The following MCC variants were observed in gnomAD, a reference collection of about 807,000 sequenced individuals.
The protein encoded by MCC is MCC regulator of Wnt signaling pathway.
A neutral mutation model predicts 116.2 loss-of-function variants in MCC; 90 were observed. The ratio of observed to expected loss-of-function variants is 0.77; its 90% CI spans 0.65 to 0.92. The LOEUF is 0.92. MCC is among the 40% of genes least tolerant of loss of function. MCC has a pLI of 0.00. For synonymous variants in MCC, 578 were observed against 510.5 expected (o/e 1.13, Z -1.78); for missense variants, 1,516 against 1,312.2 (o/e 1.16, Z -2.40).
At chr5:113,165,425 T>C (rs757662824) in intron 3 of MCC, among the ~76,000 whole-genome samples, 2 of 152,232 alleles carry the variant, frequency 1.3e-5, no homozygotes, top group Non-Finnish European at 2.9e-5. Context: ...TCTTACAAAC[T>C]GACTTATTCC....
intron 4 of MCC, among the ~76,000 whole-genome samples, chr5:113,144,973 T>C (rs4705794): frequency 0.54 from 81,964 of 152,046 alleles, 23,743 homozygotes; most frequent in East Asian, 0.72. Flanking sequence ...AAAGATGCTG[T>C]AACCAGCCAC....
At chr5:113,328,555 C>T (rs1450065626) in intron 3 of MCC, among the ~76,000 whole-genome samples, 1 of 152,216 alleles carries the variant, frequency 6.6e-6, no homozygotes, top group African/African-American at 2.4e-5. Flanking sequence ...AGGATGAAGT[C>T]TCTGGGTTTC....
At chr5:113,050,028 C>T (rs997309319) in intron 15 of MCC, among the ~76,000 whole-genome samples, 3 of 152,202 alleles carry the variant, frequency 2.0e-5, no homozygotes, top group Non-Finnish European at 4.4e-5. Context: ...GTAACAATGA[C>T]AGCCAGTAGC....
intron 3 of MCC, among the ~76,000 whole-genome samples, chr5:113,170,806 C>A (rs1476309067): frequency 6.6e-6 from 1 of 152,038 alleles, no homozygotes; most frequent in Non-Finnish European, 1.5e-5. Flanking sequence ...GTTTTGCTCC[C>A]AGAAAAGAGC....
At chr5:113,031,342 T>C (rs927038919) in intron 17 of MCC, among the ~76,000 whole-genome samples, 3 of 152,028 alleles carry the variant, frequency 2.0e-5, no homozygotes, top group African/African-American at 4.8e-5. Context: ...CTCCCGGCAT[T>C]GGAGAGTGGC....
intron 3 of MCC, among the ~76,000 whole-genome samples, chr5:113,154,466 G>A (rs1488664584): frequency 6.6e-6 from 1 of 152,228 alleles, no homozygotes; most frequent in East Asian, 1.9e-4. Flanking sequence ...GACGGAGTAG[G>A]TGAGGAGAGG....
chr5:113,216,304 C>T (rs543716191), intron 3 of MCC, among the ~76,000 whole-genome samples: 1 of 152,272 alleles, frequency 6.6e-6, no homozygotes, highest in African/African-American at 2.4e-5. Flanking sequence ...ACTGGACAGG[C>T]TCTTGTTATT....
chr5:113,298,120 AG>A (rs1766759577), intron 3 of MCC, among the ~76,000 whole-genome samples: 1 of 152,234 alleles, frequency 6.6e-6, no homozygotes, highest in African/African-American at 2.4e-5. Context: ...AAATTTGCCT[AG>A]GAAGAGAGGA....
intron 1 of MCC, chr5:113,436,677 C>G (rs1016445199): frequency 1.3e-5 from 2 of 152,198 alleles, no homozygotes; most frequent in Non-Finnish European, 2.9e-5. Context: ...TAGCTCTTTT[C>G]TCCTGAGATA....
At position 113,239,503 on chromosome 5, in the gene MCC, AG is replaced by A. The variant is rs553743088; in HGVS notation, c.628-88082del. ...AGACCTTGTCCTCATACATTTTTAA[AG>A]GGTTTCAGTCACACACTTGCTGAAA... On this transcript the variant is annotated intron_variant, in intron 3 of 18. Coordinates refer to ENST00000408903, the MANE Select transcript of MCC (RefSeq NM_001085377.2). Among the ~76,000 whole-genome samples, 151 of 152,230 alleles carry A rather than the reference AG, an allele frequency of 9.9e-4. 2 individuals carry two copies. The South Asian group carries it at 0.015, about 15-fold the overall frequency.
intron 7 of MCC, 90 bp from the exon 8 acceptor site, chr5:113,102,035 A>T (rs1756452572): frequency 7.8e-7 from 1 of 1,282,838 alleles, no homozygotes; most frequent in Admixed American, 1.8e-5. Context: ...ATAAATGTCC[A>T]TAGAGGAGTG....
At chr5:113,060,146 T>TCTTGTTTG (rs532874598) in intron 14 of MCC, among the ~76,000 whole-genome samples, 3 of 151,876 alleles carry the variant, frequency 2.0e-5, no homozygotes, top group Non-Finnish European at 2.9e-5. Context: ...GAGCAGCTCT[T>TCTTGTTTG]TTTGTTTGTT....
intron 3 of MCC, among the ~76,000 whole-genome samples, chr5:113,198,538 TTA>T (rs1762531175): frequency 1.1e-5 from 1 of 93,904 alleles, no homozygotes; most frequent in African/African-American, 7.2e-5. Context: ...CTACAAATAA[TTA>T]AAAAAAAAAA....
intron 1 of MCC, among the ~76,000 whole-genome samples, chr5:113,481,451 C>A (rs1458522293): frequency 6.6e-6 from 1 of 151,958 alleles, no homozygotes; most frequent in Non-Finnish European, 1.5e-5. Context: ...AAATATAAAT[C>A]TTTTTGGCCA....
intron 6 of MCC, among the ~76,000 whole-genome samples, chr5:113,115,128 C>T (rs143468335): frequency 6.6e-4 from 101 of 152,328 alleles, no homozygotes; most frequent in African/African-American, 2.2e-3. Context: ...GGGGCCATCA[C>T]GGAGTTTTGC....
chr5:113,280,729 C>A (rs1202300360), intron 3 of MCC, among the ~76,000 whole-genome samples: 1 of 152,168 alleles, frequency 6.6e-6, no homozygotes, highest in Admixed American at 6.5e-5. Context: ...ATACTGACTA[C>A]AAGAAGATTT....
At chr5:113,188,865 G>A (rs956189158) in intron 3 of MCC, among the ~76,000 whole-genome samples, 1 of 152,152 alleles carries the variant, frequency 6.6e-6, no homozygotes, top group Non-Finnish European at 1.5e-5. Context: ...TAAACTCTAA[G>A]CTTATCTAAC....
At chr5:113,109,280 G>C (rs1756938447) in intron 6 of MCC, among the ~76,000 whole-genome samples, 1 of 152,190 alleles carries the variant, frequency 6.6e-6, no homozygotes, top group African/African-American at 2.4e-5. Context: ...TATACTGACA[G>C]ATGAAGGAAC....
intron 5 of MCC, among the ~76,000 whole-genome samples, chr5:113,132,423 C>G (rs1012908992): frequency 7.7e-6 from 1 of 130,190 alleles, no homozygotes; most frequent in African/African-American, 3.2e-5. Context: ...TATATACACA[C>G]ATACATATAT....
Sources: gnomAD v4.1 joint callset for allele counts (sites outside exome capture counted in the v4.1 genomes callset) on GRCh38, gnomAD v4.1.1 for gene constraint, MANE v1.5 for transcripts, NCBI Gene and HGNC (gene_info 2026-07-23, HGNC 2026-07-21) for gene names.